Variants in NDUFA12 observed in about 807,000 individuals in gnomAD.
The protein encoded by NDUFA12 is NADH dehydrogenase [ubiquinone] 1 alpha subcomplex subunit 12.
In NDUFA12, 17 loss-of-function variants were observed where a neutral mutation model predicts 20.3. The ratio of observed to expected loss-of-function variants is 0.84; its 90% confidence interval spans 0.57 to 1.26. NDUFA12 has a LOEUF of 1.26. Among genes scored for constraint, NDUFA12 ranks in the 50% most tolerant of loss-of-function variants. NDUFA12 has a pLI of 0.00. For missense variants in NDUFA12, 191 were observed against 183.7 expected (o/e 1.04, Z -0.23); for synonymous variants, 72 against 63.6 (o/e 1.13, Z -0.63).
intron 2 of NDUFA12, among the ~76,000 whole-genome samples, chr12:94,996,324 T>TACACACAC (rs71075891): frequency 0.063 from 8,830 of 141,196 alleles, 312 homozygotes; most frequent in East Asian, 0.092. Context: ...CATATATAGG[T>TACACACAC]ACACACACAC....
At chr12:94,993,719 G>A (rs1874725900) in intron 3 of NDUFA12, among the ~76,000 whole-genome samples, 1 of 147,764 alleles carries the variant, frequency 6.8e-6, no homozygotes, top group Non-Finnish European at 1.5e-5. Flanking sequence ...TGGATCACCT[G>A]AGGTCAGGAG....
At chr12:94,977,151 A>G (rs550375310) in intron 3 of NDUFA12, among the ~76,000 whole-genome samples, 11 of 152,320 alleles carry the variant, frequency 7.2e-5, no homozygotes, top group African/African-American at 2.6e-4. Context: ...TTTGAAGAAA[A>G]TATTATCTGC....
At chr12:94,977,679 A>G (rs1874103887) in intron 3 of NDUFA12, among the ~76,000 whole-genome samples, 1 of 152,214 alleles carries the variant, frequency 6.6e-6, no homozygotes. Context: ...TGATTATCAT[A>G]CCCAAAAAAT....
rs35674364 is a variant in NDUFA12 at position 94,985,626 on chromosome 12, C to CAAAAAAAAA, written c.257+8535_257+8543dup. 3.9e-3 allele frequency among the ~76,000 whole-genome samples: 171 copies of CAAAAAAAAA among 43,578 alleles called. 4 individuals carry two copies. Among genetic ancestry groups the CAAAAAAAAA allele is most frequent in the Non-Finnish European group, 6.6e-3 (155 of 23,460 alleles). The allele number at this position is 43,578 out of a possible 152,430, so 28.6% of individuals were successfully genotyped here. ...TGGGAGACAGAACAAGACTCCATCT[C>CAAAAAAAAA]AAAAAAAAAAAAAAAAAAAAAGCGG... is the stretch of plus-strand genomic sequence containing the variant. On this transcript the variant is annotated intron_variant, in intron 3 of 3. Transcript: ENST00000327772.
chr12:94,999,713 C>A (rs1874959913), intron 2 of NDUFA12, among the ~76,000 whole-genome samples: 1 of 151,934 alleles, frequency 6.6e-6, no homozygotes, highest in Non-Finnish European at 1.5e-5. Flanking sequence ...GTCAACAAAC[C>A]TATGAAAAAA....
chr12:94,991,899 G>C (rs1372333626), intron 3 of NDUFA12, among the ~76,000 whole-genome samples: 1 of 152,096 alleles, frequency 6.6e-6, no homozygotes, highest in East Asian at 1.9e-4. Context: ...GTTCACTGCA[G>C]TCTCCACTAC....
intron 3 of NDUFA12, among the ~76,000 whole-genome samples, chr12:94,983,218 T>G (rs1004504002): frequency 6.6e-6 from 1 of 152,170 alleles, no homozygotes; most frequent in African/African-American, 2.4e-5. Context: ...GACCCCATCT[T>G]ACTTGGCACC....
At chr12:94,994,611 T>C (rs1211279051) in intron 2 of NDUFA12, among the ~76,000 whole-genome samples, 1 of 152,174 alleles carries the variant, frequency 6.6e-6, no homozygotes, top group African/African-American at 2.4e-5. Flanking sequence ...GAAAAGAAGG[T>C]GTTCCTCTTG....
chr12:94,992,325 A>T (rs1356152818), intron 3 of NDUFA12, among the ~76,000 whole-genome samples: 1 of 152,244 alleles, frequency 6.6e-6, no homozygotes, highest in African/African-American at 2.4e-5. Context: ...TAGGGCTCTC[A>T]TTTTATAGAC....
chr12:94,981,732 G>C (rs7316358), intron 3 of NDUFA12, among the ~76,000 whole-genome samples: 14 of 152,126 alleles, frequency 9.2e-5, no homozygotes, highest in African/African-American at 2.7e-4. Context: ...CTGACATATA[G>C]GGGGGTGCTC....
At chr12:94,995,560 C>T (rs1874795194) in intron 2 of NDUFA12, among the ~76,000 whole-genome samples, 3 of 152,142 alleles carry the variant, frequency 2.0e-5, no homozygotes, top group African/African-American at 4.8e-5. Flanking sequence ...GACGGAGTCT[C>T]GCTCTGTCGC....
At chr12:94,996,762 C>T (rs1037028033) in intron 2 of NDUFA12, 21 of 178,210 alleles carry the variant, frequency 1.2e-4, no homozygotes, top group African/African-American at 4.8e-4. Flanking sequence ...GAGGTTGCAG[C>T]GAGCCAAGAT....
chr12:94,982,264 CT>C (rs1565814459), intron 3 of NDUFA12, among the ~76,000 whole-genome samples: 11 of 122,218 alleles, frequency 9.0e-5, no homozygotes, highest in Non-Finnish European at 1.8e-4. Flanking sequence ...AAGCTATTTT[CT>C]TTTTCTTTTC....
chr12:94,994,337 T>C, intron 2 of NDUFA12, 80 bp from the exon 3 acceptor site: 7 of 1,049,696 alleles, frequency 6.7e-6, no homozygotes, highest in Non-Finnish European at 1.0e-5. Flanking sequence ...AAGACAACCT[T>C]TTTATTAAGA....
intron 3 of NDUFA12, among the ~76,000 whole-genome samples, chr12:94,986,478 T>C (rs919636946): frequency 6.6e-6 from 1 of 152,212 alleles, no homozygotes; most frequent in African/African-American, 2.4e-5. Flanking sequence ...GATAAGTATG[T>C]GAGGTAATTG....
At chr12:94,989,094 C>T (rs892239380) in intron 3 of NDUFA12, among the ~76,000 whole-genome samples, 1 of 152,132 alleles carries the variant, frequency 6.6e-6, no homozygotes, top group African/African-American at 2.4e-5. Context: ...ACGCTTTCTC[C>T]CCGCTTCTAC....
At chr12:94,996,952 C>A (rs1464577597) in intron 2 of NDUFA12, 1 of 398,362 alleles carries the variant, frequency 2.5e-6, no homozygotes, top group African/African-American at 2.1e-5. Context: ...GGTAAAGATA[C>A]TTCCTTGGGC....
chr12:94,996,427 G>C (rs913677011), intron 2 of NDUFA12, among the ~76,000 whole-genome samples: 1 of 150,668 alleles, frequency 6.6e-6, no homozygotes, highest in East Asian at 2.0e-4. Context: ...TCCCACCTTA[G>C]CCTCCCAAAG....
At chr12:94,996,220 G>T (rs1874825766) in intron 2 of NDUFA12, among the ~76,000 whole-genome samples, 1 of 151,550 alleles carries the variant, frequency 6.6e-6, no homozygotes, top group South Asian at 2.1e-4. Context: ...TAAAAGAAAA[G>T]AATTTTAAAT....
Sources: gnomAD v4.1 joint callset for allele counts (sites outside exome capture counted in the v4.1 genomes callset) on GRCh38, gnomAD v4.1.1 for gene constraint, MANE v1.5 for transcripts, NCBI Gene and HGNC (gene_info 2026-07-23, HGNC 2026-07-21) for gene names.